TCERG1L: variants seen among roughly 807,000 people sequenced by gnomAD.
TCERG1L encodes transcription elongation regulator 1-like protein.
Under a neutral mutation model 56.3 loss-of-function variants are expected in TCERG1L, and 37 were observed. That is an observed-to-expected ratio of 0.66 (90% CI 0.51 to 0.87). The LOEUF (loss-of-function observed/expected upper bound fraction) is 0.87, where lower values mean the gene tolerates loss of function less well. Among genes scored for constraint, TCERG1L ranks in the 40% least tolerant of loss-of-function variants. The pLI is 0.00. For synonymous variants in TCERG1L, 324 were observed against 326.3 expected (o/e 0.99, Z 0.08); for missense variants, 799 against 774.2 (o/e 1.03, Z -0.38).
chr10:131,257,049 G>GAAAGA lies in TCERG1L; in HGVS notation c.856+3205_856+3209dup, dbSNP rs1564827265. On this transcript the variant is annotated intron_variant, in intron 4 of 11. Coordinates refer to ENST00000368642, the MANE Select transcript of TCERG1L (RefSeq NM_174937.4). The stretch of plus-strand genomic sequence containing the variant: ...AGAAAGAAAGAAAGAAAGAAAGAAA[G>GAAAGA]AAAGAAAAGAAAGAAAGAAAAAAAA... 1.9e-3 allele frequency among the ~76,000 whole-genome samples: 261 copies of GAAAGA among 140,166 alleles called. 6 individuals carry two copies. Among genetic ancestry groups the GAAAGA allele is most frequent in the Admixed American group, 0.013 (184 of 13,724 alleles). The allele number at this position is 140,166 out of a possible 152,430, so 92.0% of individuals were successfully genotyped here.
chr10:131,294,987 C>A (rs577786980), intron 3 of TCERG1L, among the ~76,000 whole-genome samples: 1 of 152,140 alleles, frequency 6.6e-6, no homozygotes, highest in African/African-American at 2.4e-5. Context: ...TTGTCAAAAC[C>A]CTTGTCCCAC....
At chr10:131,237,428 A>G (rs1333377304) in intron 4 of TCERG1L, among the ~76,000 whole-genome samples, 3 of 152,062 alleles carry the variant, frequency 2.0e-5, no homozygotes, top group African/African-American at 7.2e-5. Context: ...GTTTCTCAAG[A>G]TTTTCCACTT....
In TCERG1L at chr10:131,093,184, A is replaced by C. The variant is rs919014126; in HGVS notation, c.1739T>G (p.Leu580Arg). 6.2e-7 allele frequency: 1 copy of C among 1,613,500 alleles called. No individual in the cohort carries two copies. Among genetic ancestry groups the C allele is most frequent in the African/African-American group, 1.3e-5 (1 of 74,818 alleles). The change falls in exon 12 of 12, where the codon CTA becomes CGA. Residue 580 changes from leucine to arginine, a missense_variant. Coordinates refer to ENST00000368642, the MANE Select transcript of TCERG1L (RefSeq NM_174937.4). ...AACTCATCTCATTTTCCGCAGCCTT[A>C]GTCTGTTTTCCTTGTCCCGTTTCTT... The part of the protein sequence containing the change: ...ILKKRDKENR[L>R]RLRKMR
At chr10:131,295,511 G>C (rs1422820731) in intron 3 of TCERG1L, among the ~76,000 whole-genome samples, 1 of 152,170 alleles carries the variant, frequency 6.6e-6, no homozygotes, top group African/African-American at 2.4e-5. Context: ...TAAGTATGTA[G>C]GGACTCCGAT....
chr10:131,288,870 C>T (rs1414535344), intron 3 of TCERG1L, among the ~76,000 whole-genome samples: 2 of 152,154 alleles, frequency 1.3e-5, no homozygotes, highest in African/African-American at 4.8e-5. Context: ...CCCTCAGCGC[C>T]TCGAGCGGGA....
At chr10:131,293,750 A>T (rs977843093) in intron 3 of TCERG1L, among the ~76,000 whole-genome samples, 9 of 152,218 alleles carry the variant, frequency 5.9e-5, no homozygotes, top group African/African-American at 2.2e-4. Context: ...TTAACTGTTA[A>T]GCCACATTTC....
At chr10:131,095,857 G>A (rs990683425) in intron 11 of TCERG1L, 4 of 152,140 alleles carry the variant, frequency 2.6e-5, no homozygotes, top group South Asian at 2.1e-4. Context: ...TTCTGTGTGC[G>A]TGTATGTGTG....
chr10:131,226,621 CGTCG>C (rs1845793256), intron 4 of TCERG1L, among the ~76,000 whole-genome samples: 2 of 152,158 alleles, frequency 1.3e-5, no homozygotes, highest in South Asian at 4.1e-4. Flanking sequence ...AGGGAGAGAC[CGTCG>C]GTGGAGCAGC....
intron 9 of TCERG1L, among the ~76,000 whole-genome samples, chr10:131,114,463 G>T (rs1845435229): frequency 1.3e-5 from 2 of 150,546 alleles, no homozygotes; most frequent in Admixed American, 6.6e-5. Context: ...ACGGGACTAG[G>T]CTTCACCCTA....
intron 7 of TCERG1L, among the ~76,000 whole-genome samples, 198 bp from the exon 8 acceptor site, chr10:131,134,646 T>C (rs891983621): frequency 1.3e-5 from 2 of 152,230 alleles, no homozygotes; most frequent in Non-Finnish European, 2.9e-5. Context: ...AATCTGACTG[T>C]GCTGTTCTGC....
At chr10:131,302,354 G>A (rs1026768817) in intron 3 of TCERG1L, among the ~76,000 whole-genome samples, 4 of 150,718 alleles carry the variant, frequency 2.7e-5, no homozygotes, top group African/African-American at 9.8e-5. Flanking sequence ...TTTTTTTAAA[G>A]GGGAGATATA....
In TCERG1L at chr10:131,106,275, C is replaced by T. The variant is rs545231924; in HGVS notation, c.1396-1921G>A. On this transcript the variant is annotated intron_variant, in intron 9 of 11. Coordinates refer to ENST00000368642, the MANE Select transcript of TCERG1L (RefSeq NM_174937.4). The stretch of plus-strand genomic sequence containing the variant: ...GGAAGCCCATGGTCTAAGGTAGTGC[C>T]GGTCTAGGAGCTAACAGACTCTTGA... Among the ~76,000 whole-genome samples, 29 of 152,294 alleles carry T rather than the reference C, an allele frequency of 1.9e-4. No homozygotes were observed. In the East Asian group the frequency reaches 3.9e-3, roughly 20 times the overall value.
chr10:131,125,696 C>T (rs537375231), intron 8 of TCERG1L, among the ~76,000 whole-genome samples: 148 of 152,316 alleles, frequency 9.7e-4, no homozygotes, highest in African/African-American at 2.8e-3. Flanking sequence ...TCGGTTCCGC[C>T]AGCTCTGCTC....
chr10:131,212,019 T>C (rs999603755), intron 4 of TCERG1L, among the ~76,000 whole-genome samples: 1 of 152,210 alleles, frequency 6.6e-6, no homozygotes, highest in African/African-American at 2.4e-5. Flanking sequence ...AATGATAAGA[T>C]TGGGGTGATT....
In TCERG1L at chr10:131,106,128, C is replaced by G. The variant is rs554272670; in HGVS notation, c.1396-1774G>C. On this transcript the variant is annotated intron_variant, in intron 9 of 11. Transcript: ENST00000368642. The stretch of plus-strand genomic sequence containing the variant: ...GTTGCTTCTAGACTCTCTCAGCTGA[C>G]AAAGCAAGGGAATGTTTAAGCCATT... 2.6e-5 allele frequency among the ~76,000 whole-genome samples: 4 copies of G among 152,288 alleles called. No individual in the cohort carries two copies. The East Asian group carries it at 7.7e-4, about 29-fold the overall frequency.
At chr10:131,239,879 C>T (rs1268539755) in intron 4 of TCERG1L, among the ~76,000 whole-genome samples, 1 of 152,180 alleles carries the variant, frequency 6.6e-6, no homozygotes, top group Admixed American at 6.5e-5. Context: ...TTACTACAGC[C>T]CCTAGAAAGG....
intron 4 of TCERG1L, among the ~76,000 whole-genome samples, chr10:131,218,244 G>A (rs545525958): frequency 6.6e-6 from 1 of 152,302 alleles, no homozygotes; most frequent in South Asian, 2.1e-4. Context: ...TGAGTGCTGT[G>A]TAAGAAAGCA....
intron 4 of TCERG1L, among the ~76,000 whole-genome samples, chr10:131,214,437 C>T (rs1810876650): frequency 6.6e-6 from 1 of 152,226 alleles, no homozygotes; most frequent in South Asian, 2.1e-4. Context: ...AGCAAGCCTA[C>T]CCCACCCCAG....
At position 131,311,369 on chromosome 10, in the gene TCERG1L, C is replaced by A; in HGVS notation, c.267G>T (p.Pro89=). The change falls in exon 1 of 12, where the codon CCG becomes CCT. Residue 89 remains proline (P), a synonymous_variant. Coordinates refer to ENST00000368642, the MANE Select transcript of TCERG1L (RefSeq NM_174937.4). This position sits in a 1 kb window ranked among gnomAD's most constrained non-coding sequence, Gnocchi z 4.0. ...GWPAPSEPVL[P]LLPLPSAPDS... ...CTGGCGCAGAGGGCAGCGGCAGCAGCGGGAGCACCGGCTCGCTCGGGGCCG... is the reference window on the plus strand; with the variant it reads ...CTGGCGCAGAGGGCAGCGGCAGCAGAGGGAGCACCGGCTCGCTCGGGGCCG... 1 of 1,196,560 alleles carries A rather than the reference C, an allele frequency of 8.4e-7. No individual in the cohort carries two copies. 74.1% of individuals were successfully genotyped at this position (1,196,560 alleles called of 1,614,324 possible). A position where few individuals can be genotyped will look rare whatever the true frequency, so the allele number is the denominator to read the frequency against.
Sources: gnomAD v4.1 joint callset for allele counts (sites outside exome capture counted in the v4.1 genomes callset) on GRCh38, gnomAD v4.1.1 for gene constraint, Gnocchi (gnomAD v3.1) non-coding constraint, MANE v1.5 for transcripts, NCBI Gene and HGNC (gene_info 2026-07-23, HGNC 2026-07-21) for gene names.